Variants in CFAP77 observed in about 807,000 individuals in gnomAD.
CFAP77 encodes the protein cilia- and flagella-associated protein 77.
In CFAP77, 25 loss-of-function variants were observed where a neutral mutation model predicts 31.1. The observed-to-expected ratio is 0.80, with a 90% CI of 0.59 to 1.12. The LOEUF is 1.12. Ranked by LOEUF, CFAP77 falls within the 50% of genes most tolerant of loss-of-function variation. The probability of loss-of-function intolerance (pLI) is 0.00; values close to 1 mark genes in which losing one functional copy is unlikely to be tolerated. For missense variants in CFAP77, 377 were observed against 397.3 expected, an observed-to-expected ratio of 0.95 and a Z score of 0.44; for synonymous variants, 151 against 159.9, an observed-to-expected ratio of 0.94 and a Z score of 0.42.
intron 3 of CFAP77, among the ~76,000 whole-genome samples, chr9:132,525,106 G>A (rs941132655): frequency 3.4e-5 from 5 of 146,582 alleles, no homozygotes; most frequent in Admixed American, 2.7e-4. Context: ...TGCAACCTCC[G>A]CTTCCCGAGT....
At chr9:132,463,655 G>A (rs1851100512) in intron 1 of CFAP77, among the ~76,000 whole-genome samples, 1 of 152,212 alleles carries the variant, frequency 6.6e-6, no homozygotes, top group African/African-American at 2.4e-5. Context: ...GGGAGGGGAT[G>A]CTGCCTTACC....
At position 132,480,061 on chromosome 9, in the gene CFAP77, G is replaced by C. The variant is rs886329383; in HGVS notation, c.196-18634G>C. ...CCAGATAGGAAATGGCAGAGCTGGT[G>C]GGGGGGACCCTGAAAATCAACCGGC... is the stretch of plus-strand genomic sequence containing the variant. On this transcript the variant is annotated intron_variant, in intron 1 of 5. Coordinates refer to ENST00000393216, the MANE Select transcript of CFAP77 (RefSeq NM_001282957.2). This position sits in a 1 kb window ranked among gnomAD's most constrained non-coding sequence, Gnocchi z 5.8. Among the ~76,000 whole-genome samples the C allele has an allele frequency of 6.6e-6, 1 of 152,062 alleles. No homozygotes were observed. The highest frequency in any genetic ancestry group is 1.5e-5 in the Non-Finnish European group (1 of 67,978).
rs17149235 is a variant in CFAP77 at position 132,517,689 on chromosome 9, C to G, written c.524+18089C>G. 0.012 allele frequency among the ~76,000 whole-genome samples: 1,836 copies of G among 152,328 alleles called. 30 individuals carry two copies. The highest frequency in any genetic ancestry group is 0.039 in the African/African-American group (1,603 of 41,568). ...TGAAGATGGGTTGCCATGAAAGGGC[C>G]CCTCTAATCCACAGAGCACTCCTGG... On this transcript the variant is annotated intron_variant, in intron 3 of 5. Coordinates refer to ENST00000393216, the MANE Select transcript of CFAP77 (RefSeq NM_001282957.2). The surrounding 1 kb of genome is among the most constrained non-coding windows in gnomAD (Gnocchi z 4.7).
intron 3 of CFAP77, among the ~76,000 whole-genome samples, chr9:132,515,588 G>A (rs1055478142): frequency 9.2e-5 from 14 of 152,240 alleles, no homozygotes; most frequent in Admixed American, 2.6e-4. Flanking sequence ...CCTGATGGGC[G>A]GGCTGGTCCT....
chr9:132,429,724 C>T (rs1370172431), intron 1 of CFAP77, among the ~76,000 whole-genome samples: 7 of 146,176 alleles, frequency 4.8e-5, no homozygotes, highest in African/African-American at 1.5e-4. Flanking sequence ...GACATGGTCG[C>T]GGGTGCCTGT....
At position 132,467,105 on chromosome 9, in the gene CFAP77, G is replaced by A. The variant is rs772860533; in HGVS notation, c.196-31590G>A. Among the ~76,000 whole-genome samples the A allele has an allele frequency of 3.0e-4, 46 of 152,302 alleles. 1 individual carries two copies. Among genetic ancestry groups the A allele is most frequent in the Admixed American group, 9.1e-4 (14 of 15,308 alleles). The stretch of plus-strand genomic sequence containing the variant: ...AAGCAGGAGAATCGTTTGAATCTGG[G>A]AGATGGAAGTTGAAGTGAGCCGAGA... On this transcript the variant is annotated intron_variant, in intron 1 of 5. Transcript: ENST00000393216.
At chr9:132,441,867 G>C (rs1035928687) in intron 1 of CFAP77, among the ~76,000 whole-genome samples, 2 of 152,204 alleles carry the variant, frequency 1.3e-5, no homozygotes, top group African/African-American at 4.8e-5. Flanking sequence ...TGCTGGAGAC[G>C]CAGAGTCTCA....
intron 1 of CFAP77, among the ~76,000 whole-genome samples, chr9:132,434,521 G>A (rs992068100): frequency 3.3e-5 from 5 of 152,000 alleles, no homozygotes; most frequent in African/African-American, 4.8e-5. Flanking sequence ...ATGTATTTTC[G>A]ATCCAAACTT....
chr9:132,572,684 T>C lies in CFAP77; in HGVS notation c.*174T>C. 1.6e-6 allele frequency: 1 copy of C among 644,294 alleles called. No individual in the cohort carries two copies. The highest frequency in any genetic ancestry group is 3.0e-5 in the East Asian group (1 of 33,422). 39.9% of individuals were successfully genotyped at this position (644,294 alleles called of 1,614,324 possible). On this transcript the variant is annotated 3_prime_UTR_variant, in exon 6 of 6. Coordinates refer to ENST00000393216, the MANE Select transcript of CFAP77 (RefSeq NM_001282957.2). ...TTGGTAAAAGTCCCCCCTTTTAGGT[T>C]AGCCAACATTAGTCTCCACTTAGCC...
At chr9:132,556,516 C>T (rs994184629) in intron 5 of CFAP77, among the ~76,000 whole-genome samples, 1 of 152,132 alleles carries the variant, frequency 6.6e-6, no homozygotes, top group South Asian at 2.1e-4. Context: ...CCCATTCACT[C>T]CTTTCTCAGG....
intron 1 of CFAP77, among the ~76,000 whole-genome samples, chr9:132,429,648 T>C (rs180997081): frequency 1.0e-3 from 132 of 132,656 alleles, no homozygotes; most frequent in African/African-American, 3.6e-3. Context: ...ATCAAGACCA[T>C]CCTGGCTAAC....
At chr9:132,556,674 C>T (rs1037352012) in intron 5 of CFAP77, among the ~76,000 whole-genome samples, 17 of 152,298 alleles carry the variant, frequency 1.1e-4, no homozygotes, top group Admixed American at 9.2e-4. Context: ...GGTGCACCGC[C>T]TCCAATTAAA....
intron 1 of CFAP77, among the ~76,000 whole-genome samples, chr9:132,478,583 T>C (rs928497394): frequency 9.2e-5 from 14 of 152,142 alleles, no homozygotes; most frequent in Non-Finnish European, 1.6e-4. Flanking sequence ...AGGTGTCCTA[T>C]TTGAAAAGAT....
chr9:132,529,514 A>AACAAACAAACAAACAAAC (rs1852397173), intron 3 of CFAP77, among the ~76,000 whole-genome samples: 1 of 117,356 alleles, frequency 8.5e-6, no homozygotes, highest in African/African-American at 3.2e-5. Flanking sequence ...TAATAAAAAA[A>AACAAACAAACAAACAAAC]AAAAACAAAA....
Position 132,526,292 on chromosome 9 carries a change from C to T in CFAP77, c.525-11309C>T, listed in dbSNP as rs190861764. Among the ~76,000 whole-genome samples the T allele has an allele frequency of 4.6e-4, 70 of 151,732 alleles. 2 individuals carry two copies. In the East Asian group the frequency reaches 0.012, roughly 26 times the overall value. On this transcript the variant is annotated intron_variant, in intron 3 of 5. Coordinates refer to ENST00000393216, the MANE Select transcript of CFAP77 (RefSeq NM_001282957.2). Reference sequence around the variant, plus strand: ...TTGCCCAGGCTGGAGTGCAGTGGTGCGATCTCGGCTCACTGCAACCTCCGC... The same window carrying T: ...TTGCCCAGGCTGGAGTGCAGTGGTGTGATCTCGGCTCACTGCAACCTCCGC...
intron 1 of CFAP77, among the ~76,000 whole-genome samples, chr9:132,437,800 C>T (rs577212969): frequency 4.0e-5 from 6 of 151,140 alleles, no homozygotes; most frequent in South Asian, 2.1e-4. Flanking sequence ...TGTGAGCCAC[C>T]GCGCCCGGCC....
rs372735214 is a variant in CFAP77, at chr9:132,440,419, C to T, written c.195+29953C>T. On this transcript the variant is annotated intron_variant, in intron 1 of 5. Transcript: ENST00000393216. ...TTCTATGGGCCAAGAAATGGTTTTA[C>T]AATGCATTCTCTCATCAAATCCTCT... is the stretch of plus-strand genomic sequence containing the variant. 4.6e-5 allele frequency among the ~76,000 whole-genome samples: 7 copies of T among 152,242 alleles called. No homozygotes were observed. In the East Asian group the frequency reaches 7.7e-4, roughly 17 times the overall value.
rs374765123 is a variant in CFAP77 at position 132,557,732 on chromosome 9, G to A, written c.733-14656G>A. ...TCACAAGGCTGCCGGGAGTCCATGCGGCACCTTCCCCAGCCCCTACCGGCC... is the reference window on the plus strand; with the variant it reads ...TCACAAGGCTGCCGGGAGTCCATGCAGCACCTTCCCCAGCCCCTACCGGCC... On this transcript the variant is annotated intron_variant, in intron 5 of 5. Transcript: ENST00000393216. Among the ~76,000 whole-genome samples the A allele has an allele frequency of 1.1e-4, 16 of 152,056 alleles. No homozygotes were observed. In the South Asian group the frequency reaches 2.5e-3, roughly 24 times the overall value.
Position 132,539,575 on chromosome 9 carries a change from T to G in CFAP77, c.630+1869T>G, listed in dbSNP as rs1179706302. 6.6e-6 allele frequency among the ~76,000 whole-genome samples: 1 copy of G among 152,122 alleles called. No individual in the cohort carries two copies. Among genetic ancestry groups the G allele is most frequent in the East Asian group, 1.9e-4 (1 of 5,184 alleles). ...GCCTGGGGCTCAGCAACAGCGCCTA[T>G]GATGTTCTAGGGCCAACCAGGGGAT... is the stretch of plus-strand genomic sequence containing the variant. On this transcript the variant is annotated intron_variant, in intron 4 of 5. Transcript: ENST00000393216. The surrounding 1 kb of genome is among the most constrained non-coding windows in gnomAD (Gnocchi z 4.3).
Sources: allele counts gnomAD v4.1 joint callset (sites outside exome capture counted in the v4.1 genomes callset), GRCh38; gene constraint gnomAD v4.1.1; non-coding constraint Gnocchi (gnomAD v3.1); transcripts MANE v1.5; gene names NCBI Gene and HGNC (gene_info 2026-07-23, HGNC 2026-07-21).